The following NELFCD variants were observed in gnomAD, a reference collection of about 807,000 sequenced individuals.
NELFCD encodes the protein negative elongation factor C/D.
NELFCD carries 48 observed loss-of-function variants against 72.9 expected under a neutral mutation model. The ratio of observed to expected loss-of-function variants is 0.66; its 90% CI spans 0.52 to 0.84. NELFCD has a LOEUF of 0.84. Among genes scored for constraint, NELFCD ranks in the 40% least tolerant of loss-of-function variants. The probability of loss-of-function intolerance (pLI) is 0.00; values close to 1 mark genes in which losing one functional copy is unlikely to be tolerated. For missense variants in NELFCD, 538 were observed against 723.8 expected (o/e 0.74, Z 2.94); for synonymous variants, 297 against 280.6 (o/e 1.06, Z -0.59).
Position 58,986,829 on chromosome 20 carries a change from T to C in NELFCD, c.252T>C (p.Thr84=), listed in dbSNP as rs2091776142. 2 of 1,614,004 alleles carry C rather than the reference T, an allele frequency of 1.2e-6. No homozygotes were observed. The highest frequency in any genetic ancestry group is 1.7e-6 in the Non-Finnish European group (2 of 1,179,922). ...AAAACTACACCGCTGTGGCCCAGAC[T>C]GTGAACCTGCTGGCCGAGTGGCTCA... ...LSENYTAVAQ[T]VNLLAEWLIQ... The change falls in exon 3 of 15, where the codon ACT becomes ACC. Residue 84 remains threonine, a synonymous_variant. Coordinates refer to ENST00000652272, the MANE Select transcript of NELFCD (RefSeq NM_198976.4). This position sits in a 1 kb window ranked among gnomAD's most constrained non-coding sequence, Gnocchi z 4.4.
rs965354674 is a variant in NELFCD, at chr20:58,994,976, C to T, written c.*300C>T. 3.7e-5 allele frequency: 12 copies of T among 326,212 alleles called. No individual in the cohort carries two copies. The highest frequency in any genetic ancestry group is 4.5e-5 in the Admixed American group (1 of 22,178). The allele number at this position is 326,212 out of a possible 1,614,324, so 20.2% of individuals were successfully genotyped here. On this transcript the variant is annotated 3_prime_UTR_variant, in exon 15 of 15. Coordinates refer to ENST00000652272, the MANE Select transcript of NELFCD (RefSeq NM_198976.4). Reference sequence around the variant, plus strand: ...TCAGGACAGATCTGGCCGTCAGCCGCGGGCCGCTGGGAACTCCACTCGGGG... The same window carrying T: ...TCAGGACAGATCTGGCCGTCAGCCGTGGGCCGCTGGGAACTCCACTCGGGG...
chr20:58,988,831 C>T, intron 4 of NELFCD, 83 bp from the exon 5 acceptor site: 15 of 1,021,980 alleles, frequency 1.5e-5, no homozygotes, highest in Non-Finnish European at 2.1e-5. Context: ...CACCAATCTC[C>T]TGTGATCGTT....
In NELFCD at chr20:58,986,588, C is replaced by T. The variant is rs1229311528; in HGVS notation, c.177-166C>T. 1 of 663,098 alleles carries T rather than the reference C, an allele frequency of 1.5e-6. No individual in the cohort carries two copies. Among genetic ancestry groups the T allele is most frequent in the African/African-American group, 1.8e-5 (1 of 54,638 alleles). 41.1% of individuals were successfully genotyped at this position (663,098 alleles called of 1,614,324 possible). A position where few individuals can be genotyped will look rare whatever the true frequency, so the allele number is the denominator to read the frequency against. ...GAACTCCTAGGCTCAAGTGATTCTC[C>T]CACCTCTGCCTCCCAAAGTGCTGGG... is the stretch of plus-strand genomic sequence containing the variant. On this transcript the variant is annotated intron_variant, in intron 2 of 14. Transcript: ENST00000652272. The surrounding 1 kb of genome is among the most constrained non-coding windows in gnomAD (Gnocchi z 4.4).
intron 13 of NELFCD, 106 bp from the exon 14 acceptor site, chr20:58,994,003 TG>T: frequency 7.4e-7 from 1 of 1,357,118 alleles, no homozygotes; most frequent in Non-Finnish European, 1.0e-6. Flanking sequence ...CACCGGCCGG[TG>T]GGGGTGGGGA....
Position 58,991,071 on chromosome 20 carries a change from A to G in NELFCD, c.950A>G (p.Glu317Gly). The part of the protein sequence containing the change: ...MFTSMDPPPV[E>G]LIRVPAFLDL... ...ACAAGCATGGACCCTCCTCCGGTTG[A>G]ACTTGTAAGTTGCTTCTCAAGAATC... The change falls in exon 8 of 15, where the codon GAA becomes GGA. Residue 317 changes from glutamate to glycine, a missense_variant. This residue lies in a region of NELFCD where 355 missense variants were observed against 534.5 expected (regional missense o/e 0.66). Transcript: ENST00000652272. The G allele has an allele frequency of 6.2e-7, 1 of 1,612,960 alleles. No individual in the cohort carries two copies. The highest frequency in any genetic ancestry group is 8.5e-7 in the Non-Finnish European group (1 of 1,179,310).
chr20:58,982,954 A>T (rs185901399), intron 1 of NELFCD, among the ~76,000 whole-genome samples: 3 of 152,206 alleles, frequency 2.0e-5, no homozygotes, highest in Admixed American at 2.0e-4. Flanking sequence ...GAAAAGACTT[A>T]CTGACCTGCC....
Position 58,986,372 on chromosome 20 carries a change from T to A in NELFCD, c.176+164T>A. The A allele has an allele frequency of 1.7e-6, 1 of 589,346 alleles. No individual in the cohort carries two copies. The highest frequency in any genetic ancestry group is 3.0e-6 in the Non-Finnish European group (1 of 335,282). 36.5% of individuals were successfully genotyped at this position (589,346 alleles called of 1,614,324 possible). A position where few individuals can be genotyped will look rare whatever the true frequency, so the allele number is the denominator to read the frequency against. On this transcript the variant is annotated intron_variant, in intron 2 of 14. Coordinates refer to ENST00000652272, the MANE Select transcript of NELFCD (RefSeq NM_198976.4). This position sits in a 1 kb window ranked among gnomAD's most constrained non-coding sequence, Gnocchi z 4.4. ...ACTTTTTTTTTTTTTTTAAATTTTT[T>A]TAAGACAGAGTCTTGCTCTGTTGCA... is the stretch of plus-strand genomic sequence containing the variant.
In NELFCD at chr20:58,986,319, A is replaced by C. The variant is rs1378197486; in HGVS notation, c.176+111A>C. ...AGCAAGAGTAACGCGAACTGAACTA[A>C]AGGCTTCAAGGGGGGGTCCCCTCTG... On this transcript the variant is annotated intron_variant, in intron 2 of 14. Transcript: ENST00000652272. This position sits in a 1 kb window ranked among gnomAD's most constrained non-coding sequence, Gnocchi z 4.4. 9.9e-6 allele frequency: 7 copies of C among 703,734 alleles called. No individual in the cohort carries two copies. Among genetic ancestry groups the C allele is most frequent in the African/African-American group, 1.8e-5 (1 of 55,472 alleles). The allele number at this position is 703,734 out of a possible 1,614,324, so 43.6% of individuals were successfully genotyped here.
At position 58,994,764 on chromosome 20, in the gene NELFCD, C is replaced by A; in HGVS notation, c.*88C>A. On this transcript the variant is annotated 3_prime_UTR_variant, in exon 15 of 15. Transcript: ENST00000652272. Reference sequence around the variant, plus strand: ...AAGAAGCTGTTTTAAGAGGCTCGGGCAGCGTCTTGAAAATGGGCACCGCTG... The same window carrying A: ...AAGAAGCTGTTTTAAGAGGCTCGGGAAGCGTCTTGAAAATGGGCACCGCTG... 1.8e-6 allele frequency: 2 copies of A among 1,101,784 alleles called. No individual in the cohort carries two copies. Among genetic ancestry groups the A allele is most frequent in the Non-Finnish European group, 2.7e-6 (2 of 729,710 alleles). The allele number at this position is 1,101,784 out of a possible 1,614,324, so 68.3% of individuals were successfully genotyped here.
At position 58,981,318 on chromosome 20, in the gene NELFCD, G is replaced by A; in HGVS notation, c.9G>A (p.Glu3=). Residue 3 remains glutamate, a synonymous_variant, in exon 1 of 15, where the codon GAG becomes GAA. Transcript: ENST00000652272. ...CCGTGCCGGGCGCCATCATGGACGA[G>A]GACTACTACGGGAGCGCGGCCGAGT... MD[E]DYYGSAAEWG... 1.8e-6 allele frequency: 2 copies of A among 1,098,004 alleles called. No homozygotes were observed. Among genetic ancestry groups the A allele is most frequent in the South Asian group, 3.8e-5 (1 of 26,630 alleles). 68.0% of individuals were successfully genotyped at this position (1,098,004 alleles called of 1,614,324 possible).
chr20:58,988,411 A>G (rs1010517101), intron 4 of NELFCD, among the ~76,000 whole-genome samples: 7 of 152,328 alleles, frequency 4.6e-5, no homozygotes, highest in Non-Finnish European at 8.8e-5. Context: ...GCTGCATTCC[A>G]TCTGTGGCTG....
rs200401626 is a variant in NELFCD at position 58,989,807 on chromosome 20, G to A, written c.658-51G>A. 1.5e-4 allele frequency: 237 copies of A among 1,612,670 alleles called. 1 individual carries two copies. Among genetic ancestry groups the A allele is most frequent in the Non-Finnish European group, 5.0e-5 (59 of 1,178,978 alleles). The stretch of plus-strand genomic sequence containing the variant: ...GTGGAGGCTTGGCTCTCGTCCGCCC[G>A]TCTGTGCTACAGTAGTAAACCCTGC... On this transcript the variant is annotated intron_variant, in intron 6 of 14. Transcript: ENST00000652272.
rs755851123 is a variant in NELFCD, at chr20:58,987,736, T to C, written c.315T>C (p.Thr105=). The C allele has an allele frequency of 6.2e-7, 1 of 1,614,200 alleles. No homozygotes were observed. The highest frequency in any genetic ancestry group is 1.7e-5 in the Admixed American group (1 of 60,024). Reference sequence around the variant, plus strand: ...TTGAGCCAGTGCAGGTTCAGGAAACTGTGGAAAATCACTTGAAGAGTTTGC... The same window carrying C: ...TTGAGCCAGTGCAGGTTCAGGAAACCGTGGAAAATCACTTGAAGAGTTTGC... ...TGVEPVQVQE[T]VENHLKSLLI... Residue 105 remains threonine, a synonymous_variant, in exon 4 of 15, where the codon ACT becomes ACC. Coordinates refer to ENST00000652272, the MANE Select transcript of NELFCD (RefSeq NM_198976.4).
Position 58,993,996 on chromosome 20 carries a change from C to G in NELFCD, c.1582-114C>G, listed in dbSNP as rs1055694976. 65 of 1,322,172 alleles carry G rather than the reference C, an allele frequency of 4.9e-5. No homozygotes were observed. Among genetic ancestry groups the G allele is most frequent in the Non-Finnish European group, 6.5e-5 (62 of 946,898 alleles). 81.9% of individuals were successfully genotyped at this position (1,322,172 alleles called of 1,614,324 possible). The stretch of plus-strand genomic sequence containing the variant: ...GAATGTTGGAGATGGGTGGTGTCAC[C>G]GGCCGGTGGGGGTGGGGAGGGATTT... On this transcript the variant is annotated intron_variant, in intron 13 of 14. Transcript: ENST00000652272. This position sits in a 1 kb window ranked among gnomAD's most constrained non-coding sequence, Gnocchi z 5.0.
rs2091802032 is a variant in NELFCD, at chr20:58,989,872, C to T, written c.672C>T (p.His224=). The change falls in exon 7 of 15, where the codon CAC becomes CAT. Residue 224 remains histidine (H), a synonymous_variant. Coordinates refer to ENST00000652272, the MANE Select transcript of NELFCD (RefSeq NM_198976.4). The part of the protein sequence containing the change: ...NLPEFAKMVC[H]GEHTYLFAQA... ...CAATCTTGCAGAAGATGGTGTGCCA[C>T]GGGGAGCACACGTACCTGTTTGCCC... 1.2e-5 allele frequency: 19 copies of T among 1,614,188 alleles called. No homozygotes were observed. The highest frequency in any genetic ancestry group is 7.7e-5 in the South Asian group (7 of 91,082).
Position 58,986,138 on chromosome 20 carries a change from C to T in NELFCD, c.106C>T (p.Gln36Ter). Residue 36 changes from glutamine to a stop codon, truncating the protein, a stop_gained, in exon 2 of 15, where the codon CAA becomes TAA. Transcript: ENST00000652272. LOFTEE classifies it high-confidence loss of function. This position sits in a 1 kb window ranked among gnomAD's most constrained non-coding sequence, Gnocchi z 4.4. ...GEGEDDAEVQQECLHKFSTRD... is the reference protein window; with the variant it reads ...GEGEDDAEVQ ...AGGAGAGGATGATGCGGAGGTTCAGCAAGAATGCCTGCATAAATTTTCCAC... is the reference window on the plus strand; with the variant it reads ...AGGAGAGGATGATGCGGAGGTTCAGTAAGAATGCCTGCATAAATTTTCCAC... 1.2e-6 allele frequency: 2 copies of T among 1,614,016 alleles called. No homozygotes were observed. Among genetic ancestry groups the T allele is most frequent in the South Asian group, 1.1e-5 (1 of 91,078 alleles).
intron 1 of NELFCD, 112 bp downstream of exon 1, chr20:58,981,481 G>T (rs1324150040): frequency 1.7e-5 from 5 of 297,068 alleles, no homozygotes; most frequent in Non-Finnish European, 2.5e-5. Flanking sequence ...CGTGCGGGGG[G>T]TGTGCGCGCG....
rs905051861 is a variant in NELFCD at position 58,986,939 on chromosome 20, C to T, written c.286+76C>T. 1.0e-5 allele frequency: 8 copies of T among 796,682 alleles called. No homozygotes were observed. The African/African-American group carries it at 1.4e-4, about 14-fold the overall frequency. The allele number at this position is 796,682 out of a possible 1,614,324, so 49.4% of individuals were successfully genotyped here. A position where few individuals can be genotyped will look rare whatever the true frequency, so the allele number is the denominator to read the frequency against. On this transcript the variant is annotated intron_variant, in intron 3 of 14. Coordinates refer to ENST00000652272, the MANE Select transcript of NELFCD (RefSeq NM_198976.4). This position sits in a 1 kb window ranked among gnomAD's most constrained non-coding sequence, Gnocchi z 4.4. ...AATAGACTTTTGGGTCCTTATAACACTGATACAATGCCTTCTTTGATTTCC... is the reference window on the plus strand; with the variant it reads ...AATAGACTTTTGGGTCCTTATAACATTGATACAATGCCTTCTTTGATTTCC...
chr20:58,990,277 G>A (rs2091806205), intron 7 of NELFCD: 3 of 339,946 alleles, frequency 8.8e-6, no homozygotes, highest in Non-Finnish European at 1.1e-5. Flanking sequence ...GCACATGCCT[G>A]TAATCCCAGC....
Sources: allele counts gnomAD v4.1 joint callset (sites outside exome capture counted in the v4.1 genomes callset), GRCh38; gene constraint gnomAD v4.1.1; regional missense constraint gnomAD v4.1.1; non-coding constraint Gnocchi (gnomAD v3.1); transcripts MANE v1.5; gene names NCBI Gene and HGNC (gene_info 2026-07-23, HGNC 2026-07-21).